The following SH3BGRL2 variants were observed in gnomAD, a reference collection of about 807,000 sequenced individuals.
SH3BGRL2 encodes SH3 domain binding glutamate rich protein like 2.
Under a neutral mutation model 14.8 loss-of-function variants are expected in SH3BGRL2, and 21 were observed. The ratio of observed to expected loss-of-function variants is 1.42; its 90% CI spans 1.01 to 2.05. SH3BGRL2 has a LOEUF of 2.05. SH3BGRL2 is among the 30% of genes most tolerant of loss of function. SH3BGRL2 has a pLI of 0.00. For synonymous variants in SH3BGRL2, 50 were observed against 47.8 expected, an observed-to-expected ratio of 1.05 and a Z score of -0.19; for missense variants, 147 against 130.8, an observed-to-expected ratio of 1.12 and a Z score of -0.61.
chr6:79,546,281 C>A, the SH3BGRL2 span, among the ~76,000 whole-genome samples: 1 of 152,136 alleles, frequency 6.6e-6, no homozygotes. Flanking sequence ...AATGATTAAG[C>A]TTGAAAGTTT....
At chr6:79,610,002 C>T in the SH3BGRL2 span, among the ~76,000 whole-genome samples, 1 of 152,152 alleles carries the variant, frequency 6.6e-6, no homozygotes, top group Non-Finnish European at 1.5e-5. Context: ...ATTCTTCAAC[C>T]TGTTATAGTT....
chr6:79,695,483 C>T (rs538187566), intron 2 of SH3BGRL2, among the ~76,000 whole-genome samples: 1 of 152,314 alleles, frequency 6.6e-6, no homozygotes. Context: ...CATTAGCGCT[C>T]AGTGACTCCA....
chr6:79,688,302 G>T (rs1466196191), intron 2 of SH3BGRL2, among the ~76,000 whole-genome samples: 1 of 151,860 alleles, frequency 6.6e-6, no homozygotes, highest in African/African-American at 2.4e-5. Flanking sequence ...CGAGTAGCTT[G>T]GTTATGCTAT....
chr6:79,565,750 C>G, the SH3BGRL2 span, among the ~76,000 whole-genome samples: 1 of 152,170 alleles, frequency 6.6e-6, no homozygotes, highest in Non-Finnish European at 1.5e-5. Context: ...GTATAGTCAC[C>G]AATTGAGGGA....
intron 1 of SH3BGRL2, among the ~76,000 whole-genome samples, chr6:79,652,294 G>A (rs1207202013): frequency 6.6e-6 from 1 of 152,132 alleles, no homozygotes; most frequent in African/African-American, 2.4e-5. Context: ...GCCATTGAGG[G>A]TAATCATTTA....
chr6:79,547,437 T>C, the SH3BGRL2 span, among the ~76,000 whole-genome samples: 1 of 152,132 alleles, frequency 6.6e-6, no homozygotes, highest in African/African-American at 2.4e-5. Context: ...CCCACCACAC[T>C]TGACCTGTCT....
the SH3BGRL2 span, among the ~76,000 whole-genome samples, chr6:79,559,580 G>C: frequency 6.6e-6 from 1 of 152,122 alleles, no homozygotes; most frequent in Non-Finnish European, 1.5e-5. Flanking sequence ...ACAATACTTC[G>C]TATTAGACTA....
the SH3BGRL2 span, among the ~76,000 whole-genome samples, chr6:79,602,677 C>A: frequency 6.6e-6 from 1 of 152,104 alleles, no homozygotes; most frequent in South Asian, 2.1e-4. Context: ...TACATGCCTA[C>A]CTATCTGGGC....
intron 3 of SH3BGRL2, among the ~76,000 whole-genome samples, chr6:79,699,153 GGTT>G (rs1770395456): frequency 6.6e-6 from 1 of 152,080 alleles, no homozygotes; most frequent in Admixed American, 6.5e-5. Flanking sequence ...CTTCATCTTG[GGTT>G]GCTATTAATG....
the SH3BGRL2 span, among the ~76,000 whole-genome samples, chr6:79,588,392 G>A: frequency 6.6e-6 from 1 of 151,766 alleles, no homozygotes; most frequent in Non-Finnish European, 1.5e-5. Context: ...TTAGTAAGTT[G>A]GTATGGATTC....
At chr6:79,611,966 T>C in the SH3BGRL2 span, among the ~76,000 whole-genome samples, 1 of 152,138 alleles carries the variant, frequency 6.6e-6, no homozygotes, top group Non-Finnish European at 1.5e-5. Flanking sequence ...CCAGCTATAA[T>C]GGCAAGTCTG....
the SH3BGRL2 span, among the ~76,000 whole-genome samples, chr6:79,566,204 C>T: frequency 6.6e-6 from 1 of 152,144 alleles, no homozygotes; most frequent in African/African-American, 2.4e-5. Context: ...TATCTCAGTA[C>T]CTACCAGATT....
At chr6:79,638,795 T>A (rs867726189) in intron 1 of SH3BGRL2, among the ~76,000 whole-genome samples, 3 of 152,224 alleles carry the variant, frequency 2.0e-5, no homozygotes, top group Non-Finnish European at 4.4e-5. Flanking sequence ...GTTGGATTAT[T>A]TATTTTTTTG....
chr6:79,672,785 CAG>C (rs1769799196), intron 1 of SH3BGRL2, among the ~76,000 whole-genome samples: 1 of 152,050 alleles, frequency 6.6e-6, no homozygotes, highest in Non-Finnish European at 1.5e-5. Context: ...GAAAACTTTG[CAG>C]AGATGGATTT....
chr6:79,563,122 A>C, the SH3BGRL2 span, among the ~76,000 whole-genome samples: 262 of 142,576 alleles, frequency 1.8e-3, 2 homozygotes, highest in African/African-American at 6.2e-3. Flanking sequence ...TGCCCAGCTA[A>C]TTTTTTGAAT....
chr6:79,591,963 T>C, the SH3BGRL2 span, among the ~76,000 whole-genome samples: 1 of 152,184 alleles, frequency 6.6e-6, no homozygotes, highest in South Asian at 2.1e-4. Flanking sequence ...CATGACCTCA[T>C]AGGTCTTTCA....
Position 79,667,973 on chromosome 6 carries a change from T to G in SH3BGRL2, c.46-5641T>G, listed in dbSNP as rs562697377. ...ATAAACTTGTTTCCCATTATTGTTC[T>G]TATTCAATCTCAATGTTAAAAAAAC... is the stretch of plus-strand genomic sequence containing the variant. On this transcript the variant is annotated intron_variant, in intron 1 of 3. Coordinates refer to ENST00000369838, the MANE Select transcript of SH3BGRL2 (RefSeq NM_031469.4). Among the ~76,000 whole-genome samples, 273 of 107,690 alleles carry G rather than the reference T, an allele frequency of 2.5e-3. 2 individuals carry two copies. Among genetic ancestry groups the G allele is most frequent in the African/African-American group, 9.2e-3 (257 of 27,892 alleles). 70.6% of individuals were successfully genotyped at this position (107,690 alleles called of 152,430 possible).
chr6:79,563,409 G>A, the SH3BGRL2 span, among the ~76,000 whole-genome samples: 22 of 152,126 alleles, frequency 1.4e-4, no homozygotes, highest in Admixed American at 9.8e-4. Context: ...ACAGCGCCCC[G>A]CCTAGCTTGG....
chr6:79,649,800 C>T (rs1362562607), intron 1 of SH3BGRL2, among the ~76,000 whole-genome samples: 1 of 152,134 alleles, frequency 6.6e-6, no homozygotes, highest in East Asian at 1.9e-4. Context: ...TGTTTCTTCC[C>T]TTTAGACTTT....
Sources: gnomAD v4.1 joint callset for allele counts (sites outside exome capture counted in the v4.1 genomes callset) on GRCh38, gnomAD v4.1.1 for gene constraint, MANE v1.5 for transcripts, NCBI Gene and HGNC (gene_info 2026-07-23, HGNC 2026-07-21) for gene names.